The following SLC37A2 variants were observed in gnomAD, a reference collection of about 807,000 sequenced individuals.
The protein encoded by SLC37A2 is solute carrier family 37 member 2, also known as glucose-6-phosphate exchanger SLC37A2.
Under a neutral mutation model 70.7 loss-of-function variants are expected in SLC37A2, and 59 were observed. That is an observed-to-expected ratio of 0.83 (90% CI 0.68 to 1.04). SLC37A2 has a LOEUF of 1.04. Among genes scored for constraint, SLC37A2 ranks in the 50% least tolerant of loss-of-function variants. SLC37A2 has a pLI of 0.00. For synonymous variants in SLC37A2, 257 were observed against 262.1 expected, an observed-to-expected ratio of 0.98 and a Z score of 0.19; for missense variants, 580 against 658.1, an observed-to-expected ratio of 0.88 and a Z score of 1.30.
At chr11:125,071,846 G>A (rs547892652) in intron 1 of SLC37A2, among the ~76,000 whole-genome samples, 58 of 129,450 alleles carry the variant, frequency 4.5e-4, no homozygotes, top group African/African-American at 1.9e-3. Flanking sequence ...TGGAGGGCTT[G>A]TGGGGGAGGG....
chr11:125,085,015 G>C, intron 13 of SLC37A2, 51 bp from the exon 14 acceptor site: 1 of 1,602,800 alleles, frequency 6.2e-7, no homozygotes, highest in South Asian at 1.1e-5. Context: ...CTTGGGGTTG[G>C]GGCTGCGGGT....
intron 2 of SLC37A2, 95 bp from the exon 3 acceptor site, chr11:125,077,134 CT>C (rs2135567942): frequency 1.0e-6 from 1 of 984,684 alleles, no homozygotes; most frequent in African/African-American, 1.6e-5. Context: ...GACATAGAAT[CT>C]GGTAGGAGGC....
rs1412677643 is a variant in SLC37A2 at position 125,085,971 on chromosome 11, A to G, written c.1443A>G (p.Val481=). 6.2e-7 allele frequency: 1 copy of G among 1,614,130 alleles called. No homozygotes were observed. Among genetic ancestry groups the G allele is most frequent in the Non-Finnish European group, 8.5e-7 (1 of 1,180,012 alleles). ...VLACLLLCRL[V]YKEILAWKVS... ...CTCCACAGCTCCTTTGCCGGTTAGT[A>G]TACAAAGAGATCTTGGCCTGGAAGG... The change falls in exon 17 of 18, where the codon GTA becomes GTG. Residue 481 remains valine (V), a synonymous_variant. Transcript: ENST00000403796.
Position 125,083,725 on chromosome 11 carries a change from T to C in SLC37A2, c.977-90T>C. The C allele has an allele frequency of 3.4e-6, 4 of 1,190,758 alleles. No individual in the cohort carries two copies. The highest frequency in any genetic ancestry group is 5.0e-6 in the Non-Finnish European group (4 of 798,044). 73.8% of individuals were successfully genotyped at this position (1,190,758 alleles called of 1,614,324 possible). On this transcript the variant is annotated intron_variant, in intron 10 of 17. Coordinates refer to ENST00000403796, the MANE Select transcript of SLC37A2 (RefSeq NM_001145290.2). This position sits in a 1 kb window ranked among gnomAD's most constrained non-coding sequence, Gnocchi z 4.6. Reference sequence around the variant, plus strand: ...TTCCTCGGAAAAGGGGGCAGTGGTCTGGATCACGCTCTGCAGGGCTTCTAG... The same window carrying C: ...TTCCTCGGAAAAGGGGGCAGTGGTCCGGATCACGCTCTGCAGGGCTTCTAG...
At chr11:125,085,176 C>G (rs368313167) in intron 14 of SLC37A2, 37 bp downstream of exon 14, 23 of 1,595,946 alleles carry the variant, frequency 1.4e-5, no homozygotes, top group African/African-American at 9.4e-5. Flanking sequence ...AGGGACCGTT[C>G]TGGGGGCTTG....
At chr11:125,064,372 A>C (rs1413701392) in intron 1 of SLC37A2, among the ~76,000 whole-genome samples, 1 of 147,798 alleles carries the variant, frequency 6.8e-6, no homozygotes, top group Non-Finnish European at 1.5e-5. Context: ...AAGTAAAAAA[A>C]GGAAAGAAAA....
intron 1 of SLC37A2, among the ~76,000 whole-genome samples, chr11:125,070,998 T>G (rs560324896): frequency 2.0e-5 from 3 of 152,288 alleles, no homozygotes; most frequent in African/African-American, 7.2e-5. Flanking sequence ...CATTCAAGCT[T>G]CTGTATCAAC....
rs556529796 is a variant in SLC37A2, at chr11:125,087,812, A to C, written c.1491-307A>C. ...CACGCCCGGCTAATTTTGTATTTTT[A>C]GTAGAGACAGGGTTTCTCCATGTTG... On this transcript the variant is annotated intron_variant, in intron 17 of 17. Transcript: ENST00000403796. 1.6e-5 allele frequency: 4 copies of C among 244,372 alleles called. No homozygotes were observed. In the South Asian group the frequency reaches 2.4e-4, roughly 15 times the overall value. The allele number at this position is 244,372 out of a possible 1,614,324, so 15.1% of individuals were successfully genotyped here.
intron 10 of SLC37A2, 133 bp downstream of exon 10, chr11:125,082,467 G>C (rs1239796984): frequency 2.6e-6 from 2 of 781,226 alleles, no homozygotes; most frequent in East Asian, 5.2e-5. Flanking sequence ...CTCTCCTAGA[G>C]TGAAAGGAGC....
chr11:125,084,285 C>T lies in SLC37A2; in HGVS notation c.1091C>T (p.Thr364Ile), dbSNP rs1232357962. The T allele has an allele frequency of 6.2e-7, 1 of 1,614,256 alleles. No individual in the cohort carries two copies. The highest frequency in any genetic ancestry group is 1.1e-5 in the South Asian group (1 of 91,084). ...VSDYTNGRAT[T>I]CCVMLILAAP... ...GACTACACCAATGGCAGGGCCACCA[C>T]TTGCTGTGTCATGCTCATCTTGGCT... The change falls in exon 12 of 18, where the codon ACT (threonine) becomes ATT (isoleucine). Residue 364 changes from threonine to isoleucine, a missense_variant. By Grantham distance (89) the Thr-to-Ile change is moderately conservative. Coordinates refer to ENST00000403796, the MANE Select transcript of SLC37A2 (RefSeq NM_001145290.2).
chr11:125,076,487 C>T (rs560894770), intron 1 of SLC37A2, among the ~76,000 whole-genome samples: 74 of 152,322 alleles, frequency 4.9e-4, no homozygotes, highest in Middle Eastern at 6.8e-3. Flanking sequence ...GCCAGCTGGT[C>T]AGAGCAGGCG....
chr11:125,079,960 A>G (rs1286550326), intron 6 of SLC37A2, among the ~76,000 whole-genome samples, 200 bp downstream of exon 6: 1 of 152,204 alleles, frequency 6.6e-6, no homozygotes, highest in Admixed American at 6.5e-5. Flanking sequence ...AGGCAACCTT[A>G]GTTATGTTTT....
intron 1 of SLC37A2, among the ~76,000 whole-genome samples, chr11:125,066,469 G>A (rs919303831): frequency 6.6e-6 from 1 of 152,166 alleles, no homozygotes; most frequent in African/African-American, 2.4e-5. Context: ...CCTTTAAGAA[G>A]CATCAAAGTA....
At chr11:125,070,083 C>T (rs1409659304) in intron 1 of SLC37A2, among the ~76,000 whole-genome samples, 1 of 152,196 alleles carries the variant, frequency 6.6e-6, no homozygotes, top group East Asian at 1.9e-4. Context: ...GAAGAAGAGC[C>T]TGTGGGAGGA....
At chr11:125,078,133 G>A (rs994713747) in intron 4 of SLC37A2, among the ~76,000 whole-genome samples, 1 of 152,224 alleles carries the variant, frequency 6.6e-6, no homozygotes. Flanking sequence ...CTTGGGTGCG[G>A]CGGTGCAGAT....
At chr11:125,069,039 G>C (rs2135559611) in intron 1 of SLC37A2, among the ~76,000 whole-genome samples, 2 of 152,340 alleles carry the variant, frequency 1.3e-5, no homozygotes, top group South Asian at 4.1e-4. Flanking sequence ...AGGTTTAAAT[G>C]AGGTACTACG....
intron 1 of SLC37A2, among the ~76,000 whole-genome samples, chr11:125,066,443 A>G (rs1348983590): frequency 6.6e-6 from 1 of 152,232 alleles, no homozygotes; most frequent in Non-Finnish European, 1.5e-5. Flanking sequence ...ACTCTATTCT[A>G]TAACTGATTA....
intron 4 of SLC37A2, among the ~76,000 whole-genome samples, chr11:125,078,220 C>T (rs1381647165): frequency 2.6e-5 from 4 of 152,136 alleles, no homozygotes; most frequent in East Asian, 1.9e-4. Context: ...GGAGGAACCG[C>T]GGGCAGGTGT....
At position 125,085,270 on chromosome 11, in the gene SLC37A2, A is replaced by G. The variant is rs778776055; in HGVS notation, c.1249-125A>G. The G allele has an allele frequency of 1.5e-5, 18 of 1,240,960 alleles. No homozygotes were observed. In the Admixed American group the frequency reaches 3.5e-4, roughly 24 times the overall value. 76.9% of individuals were successfully genotyped at this position (1,240,960 alleles called of 1,614,324 possible). On this transcript the variant is annotated intron_variant, in intron 14 of 17. Transcript: ENST00000403796. ...CCGTCAAAGTCCTTCAGAACGCACC[A>G]TGGGCCCCTCTCCTCTCAAGCCCAA...
Sources: allele counts gnomAD v4.1 joint callset (sites outside exome capture counted in the v4.1 genomes callset), GRCh38; gene constraint gnomAD v4.1.1; non-coding constraint Gnocchi (gnomAD v3.1); transcripts MANE v1.5; gene names NCBI Gene and HGNC (gene_info 2026-07-23, HGNC 2026-07-21).